URAD: variants seen among roughly 807,000 people sequenced by gnomAD.
The protein encoded by URAD is putative 2-oxo-4-hydroxy-4-carboxy-5-ureidoimidazoline decarboxylase.
In URAD, 4 loss-of-function variants were observed where a neutral mutation model predicts 4.6. That is an observed-to-expected ratio of 0.87 (90% CI 0.43 to 1.98). The LOEUF (loss-of-function observed/expected upper bound fraction) is 1.98. Among genes scored for constraint, URAD ranks in the 30% most tolerant of loss-of-function variants. URAD has a pLI of 0.03. For synonymous variants in URAD, 144 were observed against 118.2 expected (o/e 1.22, Z -1.41); for missense variants, 300 against 255.3 (o/e 1.18, Z -1.19).
At position 27,978,285 on chromosome 13, in the gene URAD, AGC is replaced by A; in HGVS notation, c.341_342del (p.Arg114LeufsTer112). On this transcript the variant is annotated frameshift_variant, in exon 2 of 2. Transcript: ENST00000332715. LOFTEE classifies it low-confidence loss of function (END_TRUNC). ...LAELNAQYRA[R>X]FGFPFVLAAR... ...GCGGCGAGCACGAAGGGGAAACCGA[AGC>A]GCGCGCGGTACTGCGCGTTGAGCTC... The A allele has an allele frequency of 4.9e-6, 7 of 1,420,172 alleles. No individual in the cohort carries two copies. The highest frequency in any genetic ancestry group is 6.4e-6 in the Non-Finnish European group (7 of 1,096,130). The allele number at this position is 1,420,172 out of a possible 1,614,324, so 88.0% of individuals were successfully genotyped here. A position where few individuals can be genotyped will look rare whatever the true frequency, so the allele number is the denominator to read the frequency against.
At chr13:27,980,378 G>C (rs1869839497) in intron 1 of URAD, among the ~76,000 whole-genome samples, 1 of 152,228 alleles carries the variant, frequency 6.6e-6, no homozygotes. Flanking sequence ...AGCAGCCCCA[G>C]CCCTGTGCCC....
At position 27,978,169 on chromosome 13, in the gene URAD, C is replaced by G. The variant is rs1295201106; in HGVS notation, c.459G>C (p.Glu153Asp). The change falls in exon 2 of 2, where the codon GAG (glutamate) becomes GAC (aspartate). Residue 153 changes from glutamate (E) to aspartate (D), a missense_variant. Physicochemically the swap from Glu to Asp is conservative, Grantham distance 45. Coordinates refer to ENST00000332715, the MANE Select transcript of URAD (RefSeq NM_001105577.2). ...SAQELRTALG[E>D]VKKIGSLRLA... is the part of the protein sequence containing the mutation. ...GGCGCAGGCTGCCGATCTTCTTCAC[C>G]TCGCCCAGAGCAGTGCGCAGCTCCT... The G allele has an allele frequency of 2.0e-6, 3 of 1,533,906 alleles. No homozygotes were observed. Among genetic ancestry groups the G allele is most frequent in the Non-Finnish European group, 2.6e-6 (3 of 1,152,910 alleles).
In URAD at chr13:27,988,448, A is replaced by T. The variant is rs770167025; in HGVS notation, c.175+15T>A. 2.2e-5 allele frequency: 34 copies of T among 1,572,442 alleles called. No individual in the cohort carries two copies. The highest frequency in any genetic ancestry group is 2.9e-5 in the Non-Finnish European group (34 of 1,161,496). Reference sequence around the variant, plus strand: ...GAAATCCCTTTGCAGAGAATGTCTGATACGGAAGCCTTACCTGACTGTGCA... The same window carrying T: ...GAAATCCCTTTGCAGAGAATGTCTGTTACGGAAGCCTTACCTGACTGTGCA... On this transcript the variant is annotated intron_variant, in intron 1 of 1. Transcript: ENST00000332715.
In URAD at chr13:27,978,150, G is replaced by C. The variant is rs748867122; in HGVS notation, c.478C>G (p.Leu160Val). Reference sequence around the variant, plus strand: ...GCGCGGAGGAGGTCGGCCAGGCGCAGGCTGCCGATCTTCTTCACCTCGCCC... The same window carrying C: ...GCGCGGAGGAGGTCGGCCAGGCGCACGCTGCCGATCTTCTTCACCTCGCCC... ...ALGEVKKIGSLRLADLLRADP... is the reference protein window; with the variant it reads ...ALGEVKKIGSVRLADLLRADP... The change falls in exon 2 of 2, where the codon CTG becomes GTG. Residue 160 changes from leucine to valine, a missense_variant. Transcript: ENST00000332715. 1 of 1,532,626 alleles carries C rather than the reference G, an allele frequency of 6.5e-7. No homozygotes were observed. Among genetic ancestry groups the C allele is most frequent in the South Asian group, 1.2e-5 (1 of 83,102 alleles). The allele number at this position is 1,532,626 out of a possible 1,614,324, so 94.9% of individuals were successfully genotyped here.
intron 1 of URAD, among the ~76,000 whole-genome samples, chr13:27,978,881 C>G (rs1313030022): frequency 2.6e-5 from 4 of 152,130 alleles, no homozygotes; most frequent in African/African-American, 9.6e-5. Flanking sequence ...CCTTTGCTCT[C>G]AGGGGGGGCT....
At position 27,978,281 on chromosome 13, in the gene URAD, C is replaced by G; in HGVS notation, c.347G>C (p.Gly116Ala). Residue 116 changes from glycine to alanine, a missense_variant, in exon 2 of 2, where the codon GGT (glycine) becomes GCT (alanine). By Grantham distance (60) the Gly-to-Ala change is moderately conservative. Transcript: ENST00000332715. ...GCGCGCGGCGAGCACGAAGGGGAAA[C>G]CGAAGCGCGCGCGGTACTGCGCGTT... ...ELNAQYRARF[G>A]FPFVLAARFS... 7.0e-7 allele frequency: 1 copy of G among 1,421,800 alleles called. No homozygotes were observed. Among genetic ancestry groups the G allele is most frequent in the Non-Finnish European group, 9.1e-7 (1 of 1,097,194 alleles). 88.1% of individuals were successfully genotyped at this position (1,421,800 alleles called of 1,614,324 possible).
intron 1 of URAD, among the ~76,000 whole-genome samples, chr13:27,978,817 C>G (rs540352185): frequency 3.4e-4 from 51 of 152,150 alleles, no homozygotes; most frequent in African/African-American, 1.2e-3. Context: ...ACGACTAGGT[C>G]GGGAGGGAGC....
chr13:27,977,907 T>C lies in URAD; in HGVS notation c.*199A>G. The C allele has an allele frequency of 2.0e-6, 1 of 504,718 alleles. No individual in the cohort carries two copies. 31.3% of individuals were successfully genotyped at this position (504,718 alleles called of 1,614,324 possible). ...GCAAAGCACTAAACAATATGGATAT[T>C]TTGGCAACGCGTGCGCGTGTGGGTG... On this transcript the variant is annotated 3_prime_UTR_variant, in exon 2 of 2. Coordinates refer to ENST00000332715, the MANE Select transcript of URAD (RefSeq NM_001105577.2).
intron 1 of URAD, among the ~76,000 whole-genome samples, chr13:27,980,746 A>C (rs1205648989): frequency 6.6e-6 from 1 of 152,070 alleles, no homozygotes; most frequent in Non-Finnish European, 1.5e-5. Flanking sequence ...CAGCAGAGGG[A>C]GGCGGCGGCG....
At chr13:27,985,302 A>T (rs1292660548) in intron 1 of URAD, among the ~76,000 whole-genome samples, 1 of 151,972 alleles carries the variant, frequency 6.6e-6, no homozygotes, top group Non-Finnish European at 1.5e-5. Context: ...TACTAAAAAT[A>T]GAAAAATTAG....
intron 1 of URAD, among the ~76,000 whole-genome samples, chr13:27,983,354 C>T (rs773028447): frequency 4.6e-5 from 7 of 152,150 alleles, no homozygotes; most frequent in South Asian, 4.2e-4. Flanking sequence ...CTCAGCCTCC[C>T]GAGTAGCTAG....
chr13:27,978,770 G>A (rs1221713736), intron 1 of URAD, among the ~76,000 whole-genome samples: 1 of 152,094 alleles, frequency 6.6e-6, no homozygotes, highest in Non-Finnish European at 1.5e-5. Context: ...CAAGAAGAGC[G>A]GAGGAGAGAG....
In URAD at chr13:27,978,325, C is replaced by A; in HGVS notation, c.303G>T (p.Arg101=). ...AGLRSLGADE[R]LRLAELNAQY... ...GCGCGTTGAGCTCGGCCAGCCGCAG[C>A]CGCTCGTCCGCGCCCAGGCTCCTCA... The change falls in exon 2 of 2, where the codon CGG becomes CGT. Residue 101 remains arginine, a synonymous_variant. Coordinates refer to ENST00000332715, the MANE Select transcript of URAD (RefSeq NM_001105577.2). The A allele has an allele frequency of 1.4e-6, 2 of 1,393,816 alleles. No homozygotes were observed. The allele number at this position is 1,393,816 out of a possible 1,614,324, so 86.3% of individuals were successfully genotyped here.
chr13:27,983,624 C>T (rs1008000324), intron 1 of URAD, among the ~76,000 whole-genome samples: 1 of 152,172 alleles, frequency 6.6e-6, no homozygotes, highest in African/African-American at 2.4e-5. Context: ...AGAAAGACCA[C>T]CTTTATTACA....
intron 1 of URAD, among the ~76,000 whole-genome samples, chr13:27,987,906 ATAGATAGATAGATAG>A (rs1870078552): frequency 1.5e-5 from 1 of 67,940 alleles, no homozygotes; most frequent in African/African-American, 4.8e-5. Context: ...AGATAGATAG[ATAGATAGATAGATAG>A]ATAGATAGAT....
chr13:27,979,945 C>A (rs999244984), intron 1 of URAD, among the ~76,000 whole-genome samples: 5 of 152,202 alleles, frequency 3.3e-5, no homozygotes, highest in Non-Finnish European at 7.3e-5. Flanking sequence ...CACCACACTG[C>A]GCCTGGACCC....
At chr13:27,983,994 G>A (rs6491243) in intron 1 of URAD, among the ~76,000 whole-genome samples, 143,459 of 152,284 alleles carry the variant, frequency 0.94, 68,153 homozygotes, top group East Asian at 1. Flanking sequence ...ATGTTGTTTA[G>A]TAAGCATAAA....
intron 1 of URAD, among the ~76,000 whole-genome samples, chr13:27,981,028 C>CTCCT (rs149754765): frequency 1.9e-3 from 224 of 117,210 alleles, no homozygotes; most frequent in African/African-American, 5.2e-3. Context: ...CTCTCTCTCT[C>CTCCT]CTCTCTCTCT....
intron 1 of URAD, among the ~76,000 whole-genome samples, chr13:27,980,253 T>A (rs1247900698): frequency 1.3e-5 from 2 of 152,172 alleles, no homozygotes; most frequent in Admixed American, 6.5e-5. Context: ...AGAGCCCTTC[T>A]GGTAGGTGTC....
Sources: allele counts gnomAD v4.1 joint callset (sites outside exome capture counted in the v4.1 genomes callset), GRCh38; gene constraint gnomAD v4.1.1; transcripts MANE v1.5; gene names NCBI Gene and HGNC (gene_info 2026-07-23, HGNC 2026-07-21).